Variants in EYS observed in about 807,000 individuals in gnomAD.
EYS encodes protein eyes shut homolog.
EYS carries 250 observed loss-of-function variants against 282.1 expected under a neutral mutation model. The ratio of observed to expected loss-of-function variants is 0.89; its 90% CI spans 0.80 to 0.98. The LOEUF is 0.98. Ranked by LOEUF, EYS falls within the 50% of genes least tolerant of loss-of-function variation. The pLI is 0.00. For missense variants in EYS, 4,016 were observed against 3,709.0 expected (o/e 1.08, Z -2.15); for synonymous variants, 1,355 against 1,282.9 (o/e 1.06, Z -1.20).
chr6:64,990,917 T>C (rs1771041290), intron 14 of EYS, among the ~76,000 whole-genome samples: 1 of 151,556 alleles, frequency 6.6e-6, no homozygotes, highest in African/African-American at 2.4e-5. Flanking sequence ...TCCTGATAAA[T>C]TTAATCAGTT....
chr6:64,133,025 G>T (rs936105879), intron 31 of EYS, among the ~76,000 whole-genome samples: 1 of 151,806 alleles, frequency 6.6e-6, no homozygotes. Flanking sequence ...TATATGTTTT[G>T]CATTTTACTT....
At chr6:65,483,103 A>T (rs1043786202) in intron 5 of EYS, among the ~76,000 whole-genome samples, 9 of 152,270 alleles carry the variant, frequency 5.9e-5, no homozygotes, top group Admixed American at 3.9e-4. Context: ...TGGGATTACA[A>T]TTAAGAATAC....
intron 22 of EYS, among the ~76,000 whole-genome samples, chr6:64,727,097 T>C (rs1184364205): frequency 1.3e-5 from 2 of 152,338 alleles, no homozygotes; most frequent in Non-Finnish European, 2.9e-5. Flanking sequence ...ATAAGTGTAA[T>C]GTTTTGTACA....
chr6:64,430,343 G>A (rs1055962252), intron 28 of EYS, among the ~76,000 whole-genome samples: 1 of 152,132 alleles, frequency 6.6e-6, no homozygotes, highest in Non-Finnish European at 1.5e-5. Flanking sequence ...GGCATTATGC[G>A]CCAGTACGCC....
At chr6:63,876,030 C>T (rs971064703) in intron 35 of EYS, among the ~76,000 whole-genome samples, 3 of 152,080 alleles carry the variant, frequency 2.0e-5, no homozygotes, top group Non-Finnish European at 4.4e-5. Context: ...AATATGTTTG[C>T]TCTTGCTTCT....
At chr6:64,908,211 T>C (rs975114038) in intron 16 of EYS, among the ~76,000 whole-genome samples, 8 of 152,150 alleles carry the variant, frequency 5.3e-5, no homozygotes, top group African/African-American at 1.9e-4. Context: ...AGAGAGCACA[T>C]ATGCCAGCAA....
At chr6:64,030,634 C>T (rs913001923) in intron 33 of EYS, among the ~76,000 whole-genome samples, 1 of 152,204 alleles carries the variant, frequency 6.6e-6, no homozygotes, top group African/African-American at 2.4e-5. Context: ...CTTATACCAA[C>T]CTCTGGAGTT....
chr6:65,654,385 C>G (rs997718751), intron 1 of EYS, among the ~76,000 whole-genome samples: 1 of 151,776 alleles, frequency 6.6e-6, no homozygotes, highest in Non-Finnish European at 1.5e-5. Context: ...GAAAACACAA[C>G]TCTTGGGCGT....
chr6:63,970,461 C>G (rs1024919198), intron 35 of EYS, among the ~76,000 whole-genome samples: 2 of 152,174 alleles, frequency 1.3e-5, no homozygotes, highest in Non-Finnish European at 2.9e-5. Flanking sequence ...CAGTGAAACT[C>G]TGTCTCTACT....
intron 35 of EYS, among the ~76,000 whole-genome samples, chr6:63,873,797 G>C (rs935406680): frequency 6.6e-6 from 1 of 152,118 alleles, no homozygotes; most frequent in Non-Finnish European, 1.5e-5. Context: ...GTCTTCTTTT[G>C]AGAAGTGTCT....
chr6:64,816,730 C>T (rs1052344811), intron 21 of EYS, among the ~76,000 whole-genome samples: 1 of 151,996 alleles, frequency 6.6e-6, no homozygotes, highest in Non-Finnish European at 1.5e-5. Context: ...TATGGTAGGG[C>T]ACACACAAAC....
chr6:64,174,897 T>G (rs1764582665), intron 31 of EYS, among the ~76,000 whole-genome samples: 1 of 152,096 alleles, frequency 6.6e-6, no homozygotes, highest in Non-Finnish European at 1.5e-5. Flanking sequence ...CATGAGTTAA[T>G]AAGAACTCAT....
chr6:64,243,142 A>C (rs1458331047), intron 30 of EYS, among the ~76,000 whole-genome samples: 9 of 151,286 alleles, frequency 5.9e-5, no homozygotes, highest in Non-Finnish European at 2.9e-5. Context: ...AAAGCACATA[A>C]AGTGAGTATT....
At position 64,054,737 on chromosome 6, in the gene EYS, C is replaced by A. The variant is rs79235641; in HGVS notation, c.6725+11601G>T. On this transcript the variant is annotated intron_variant, in intron 33 of 42. Transcript: ENST00000503581. Reference sequence around the variant, plus strand: ...ATAATTACCTAATTTCCTTAAGTCCCAGTTTCCTCACTTCTTAAATGAGTA... The same window carrying A: ...ATAATTACCTAATTTCCTTAAGTCCAAGTTTCCTCACTTCTTAAATGAGTA... Among the ~76,000 whole-genome samples, 1,131 of 152,126 alleles carry A rather than the reference C, an allele frequency of 7.4e-3. 10 individuals carry two copies. The highest frequency in any genetic ancestry group is 0.026 in the African/African-American group (1,085 of 41,476).
intron 22 of EYS, among the ~76,000 whole-genome samples, chr6:64,721,649 G>A (rs187682228): frequency 6.6e-6 from 1 of 152,114 alleles, no homozygotes; most frequent in Admixed American, 6.5e-5. Flanking sequence ...CTGAAAATGA[G>A]GGAAAATCAA....
chr6:64,269,384 C>T (rs144030046), intron 30 of EYS, among the ~76,000 whole-genome samples: 4 of 152,052 alleles, frequency 2.6e-5, no homozygotes, highest in African/African-American at 9.6e-5. Context: ...GTTGAAAAAT[C>T]CTGGAGTGAT....
rs139661048 is a variant in EYS at position 64,474,124 on chromosome 6, T to C, written c.5645-34772A>G. Among the ~76,000 whole-genome samples the C allele has an allele frequency of 6.8e-3, 1,029 of 152,296 alleles. 3 individuals carry two copies. Among genetic ancestry groups the C allele is most frequent in the Non-Finnish European group, 0.011 (753 of 68,020 alleles). On this transcript the variant is annotated intron_variant, in intron 26 of 42. Transcript: ENST00000503581. ...CCGGTAAATATCTTATTTCTAACTT[T>C]CTCCTCTGTGACACTGCTTATATTC... is the stretch of plus-strand genomic sequence containing the variant.
At chr6:63,942,724 AC>A (rs746432382) in intron 35 of EYS, among the ~76,000 whole-genome samples, 44 of 152,344 alleles carry the variant, frequency 2.9e-4, no homozygotes, top group South Asian at 4.1e-4. Flanking sequence ...AATAAAAAAA[AC>A]ATCAGACAGA....
At chr6:65,540,656 C>T (rs752084627) in intron 2 of EYS, among the ~76,000 whole-genome samples, 1 of 152,128 alleles carries the variant, frequency 6.6e-6, no homozygotes, top group South Asian at 2.1e-4. Flanking sequence ...CGGTGGCTCA[C>T]GCCTGTAATC....
Sources: allele counts gnomAD v4.1 joint callset (sites outside exome capture counted in the v4.1 genomes callset), GRCh38; gene constraint gnomAD v4.1.1; transcripts MANE v1.5; gene names NCBI Gene and HGNC (gene_info 2026-07-23, HGNC 2026-07-21).